Variants in OARD1 observed in about 807,000 individuals in gnomAD.
OARD1 encodes the protein O-acyl-ADP-ribose deacylase 1.
Under a neutral mutation model 19.7 loss-of-function variants are expected in OARD1, and 19 were observed. The ratio of observed to expected loss-of-function variants is 0.96; its 90% confidence interval spans 0.67 to 1.41. The LOEUF (loss-of-function observed/expected upper bound fraction) is 1.41, where lower values mean the gene tolerates loss of function less well. Among genes scored for constraint, OARD1 ranks in the 40% most tolerant of loss-of-function variants. OARD1 has a pLI of 0.00. For missense variants in OARD1, 190 were observed against 183.8 expected, an observed-to-expected ratio of 1.03 and a Z score of -0.20; for synonymous variants, 70 against 61.8, an observed-to-expected ratio of 1.13 and a Z score of -0.62.
intron 1 of OARD1, among the ~76,000 whole-genome samples, chr6:41,093,794 C>T (rs1257901828): frequency 6.6e-6 from 1 of 152,202 alleles, no homozygotes; most frequent in East Asian, 1.9e-4. Flanking sequence ...TTCAAGGAAA[C>T]TTTGAAGAAG....
intron 1 of OARD1, chr6:41,071,952 T>G: frequency 5.2e-6 from 2 of 385,274 alleles, no homozygotes; most frequent in South Asian, 3.9e-5. Flanking sequence ...CGCCTCCTCC[T>G]TTCTCCAGGG....
At chr6:41,097,482 A>T (rs113565883) in intron 1 of OARD1, 1 of 1,490,650 alleles carries the variant, frequency 6.7e-7, no homozygotes, top group South Asian at 1.1e-5. Context: ...AACTCTTCCA[A>T]TGGGACATTG....
intron 1 of OARD1, among the ~76,000 whole-genome samples, chr6:41,083,326 T>A (rs1313338670): frequency 3.3e-5 from 5 of 152,204 alleles, no homozygotes; most frequent in Non-Finnish European, 5.9e-5. Context: ...TTGCTTCTGA[T>A]AAAGCTAAAA....
chr6:41,074,781 A>G (rs973608095), upstream of OARD1, among the ~76,000 whole-genome samples: 2 of 152,202 alleles, frequency 1.3e-5, no homozygotes, highest in Non-Finnish European at 2.9e-5. Flanking sequence ...TTTTTTCCTA[A>G]GATTGAAAAA....
intron 1 of OARD1, among the ~76,000 whole-genome samples, chr6:41,078,567 A>G (rs1057225076): frequency 1.3e-5 from 2 of 152,224 alleles, no homozygotes; most frequent in Non-Finnish European, 2.9e-5. Context: ...TATTTTTAAA[A>G]GTGGATCTTC....
At chr6:41,078,331 A>G (rs966019777) in intron 1 of OARD1, among the ~76,000 whole-genome samples, 15 of 152,302 alleles carry the variant, frequency 9.8e-5, no homozygotes, top group African/African-American at 3.6e-4. Flanking sequence ...CACGATAATG[A>G]GCAGCTCAGT....
intron 1 of OARD1, among the ~76,000 whole-genome samples, chr6:41,081,971 C>T (rs578008292): frequency 3.2e-4 from 48 of 152,338 alleles, no homozygotes; most frequent in Non-Finnish European, 1.5e-5. Context: ...CAGCACTAGT[C>T]TACTCTGTGT....
upstream of OARD1, among the ~76,000 whole-genome samples, chr6:41,074,147 A>T (rs1035597312): frequency 3.3e-5 from 5 of 151,634 alleles, no homozygotes; most frequent in Non-Finnish European, 7.4e-5. Context: ...TTTCTATGTT[A>T]CTTTGTGTCA....
At chr6:41,084,800 T>G (rs1198464761) in intron 1 of OARD1, among the ~76,000 whole-genome samples, 1 of 152,104 alleles carries the variant, frequency 6.6e-6, no homozygotes, top group East Asian at 1.9e-4. Flanking sequence ...CCATCTCTAC[T>G]AAAAATAAAA....
At chr6:41,077,601 TCA>T (rs1313465217) in intron 1 of OARD1, among the ~76,000 whole-genome samples, 9 of 152,230 alleles carry the variant, frequency 5.9e-5, no homozygotes, top group Admixed American at 5.2e-4. Context: ...CCTAACAGAC[TCA>T]CAGTCTGGCT....
At chr6:41,080,148 G>A (rs1395496306) in intron 1 of OARD1, among the ~76,000 whole-genome samples, 1 of 152,142 alleles carries the variant, frequency 6.6e-6, no homozygotes, top group African/African-American at 2.4e-5. Flanking sequence ...CAGTTGGGTA[G>A]AAATAATCTT....
At position 41,071,261 on chromosome 6, in the gene OARD1, C is replaced by T. The variant is rs1165242385; in HGVS notation, c.55G>A (p.Gly19Arg). ...PEGSRITYVK[G>R]DLFACPKTDS... Reference sequence around the variant, plus strand: ...GTTTTCGGGCATGCAAAAAGGTCTCCTTTCACATAAGTGATCTAAAAAATG... The same window carrying T: ...GTTTTCGGGCATGCAAAAAGGTCTCTTTTCACATAAGTGATCTAAAAAATG... Residue 19 changes from glycine (G) to arginine (R), a missense_variant, in exon 3 of 6, where the codon GGA becomes AGA. Gly to Arg is a moderately radical substitution (Grantham distance 125, BLOSUM62 -2). Transcript: ENST00000424266. 1.9e-6 allele frequency: 3 copies of T among 1,613,894 alleles called. No individual in the cohort carries two copies. The East Asian group carries it at 6.7e-5, about 36-fold the overall frequency.
At chr6:41,089,620 A>T in intron 1 of OARD1, 1 of 1,612,700 alleles carries the variant, frequency 6.2e-7, no homozygotes, top group Non-Finnish European at 8.5e-7. Flanking sequence ...TCCAGGGTGG[A>T]CAGGCTGTGC....
chr6:41,097,320 C>T (rs769030512), intron 1 of OARD1: 1 of 1,608,796 alleles, frequency 6.2e-7, no homozygotes, highest in Non-Finnish European at 8.5e-7. Context: ...GTTGCTTTTG[C>T]AAAGGACTTT....
At chr6:41,088,423 CAAAAAA>C (rs34590854) in intron 1 of OARD1, among the ~76,000 whole-genome samples, 3 of 64,726 alleles carry the variant, frequency 4.6e-5, no homozygotes, top group Admixed American at 1.8e-4. Flanking sequence ...ACTCCGTCTC[CAAAAAA>C]AAAAAAAAAA....
chr6:41,083,127 G>A (rs1183329775), intron 1 of OARD1, among the ~76,000 whole-genome samples: 3 of 152,160 alleles, frequency 2.0e-5, no homozygotes, highest in Non-Finnish European at 4.4e-5. Context: ...ACTATTCCAT[G>A]GATCATTACA....
At chr6:41,095,084 C>T (rs1764312140) in intron 1 of OARD1, among the ~76,000 whole-genome samples, 1 of 152,066 alleles carries the variant, frequency 6.6e-6, no homozygotes, top group South Asian at 2.1e-4. Flanking sequence ...TTTTGTTCCC[C>T]TCTAGCCTAC....
upstream of OARD1, among the ~76,000 whole-genome samples, chr6:41,076,688 G>GA (rs1763741499): frequency 6.6e-6 from 1 of 152,172 alleles, no homozygotes; most frequent in Admixed American, 6.5e-5. Flanking sequence ...TCTCTTTGAG[G>GA]AAAAACCATT....
At chr6:41,094,615 C>T in intron 1 of OARD1, 1 of 695,326 alleles carries the variant, frequency 1.4e-6, no homozygotes, top group Non-Finnish European at 2.5e-6. Flanking sequence ...ATTCTCTAAA[C>T]TGGATGCAAT....
Sources: allele counts gnomAD v4.1 joint callset (sites outside exome capture counted in the v4.1 genomes callset), GRCh38; gene constraint gnomAD v4.1.1; transcripts MANE v1.5; gene names NCBI Gene and HGNC (gene_info 2026-07-23, HGNC 2026-07-21).